The following EMSY variants were observed in gnomAD, a reference collection of about 807,000 sequenced individuals.
EMSY encodes BRCA2-interacting transcriptional repressor EMSY.
In EMSY, 26 loss-of-function variants were observed where a neutral mutation model predicts 134.6. The observed-to-expected ratio is 0.19, with a 90% CI of 0.14 to 0.27. The LOEUF (loss-of-function observed/expected upper bound fraction) is 0.27. Ranked by LOEUF, EMSY falls within the 10% of genes least tolerant of loss-of-function variation. EMSY has a pLI of 1.00. For missense variants in EMSY, 1,305 were observed against 1,611.4 expected (o/e 0.81, Z 3.26); for synonymous variants, 579 against 577.8 (o/e 1.00, Z -0.03).
chr11:76,533,539 T>C (rs896222003), intron 14 of EMSY, among the ~76,000 whole-genome samples: 9 of 152,316 alleles, frequency 5.9e-5, no homozygotes, highest in African/African-American at 1.9e-4. Flanking sequence ...TAGTATAAGA[T>C]TGATGGCAGC....
chr11:76,479,726 A>G (rs945591864), intron 8 of EMSY, among the ~76,000 whole-genome samples: 29 of 152,370 alleles, frequency 1.9e-4, no homozygotes, highest in African/African-American at 7.0e-4. Flanking sequence ...TGGAATGACT[A>G]CCGTATATGA....
At chr11:76,494,651 C>T (rs530411492) in intron 8 of EMSY, among the ~76,000 whole-genome samples, 3 of 1,828 alleles carry the variant, frequency 1.6e-3, no homozygotes, top group East Asian at 0.029. Flanking sequence ...TTTCCTTTCC[C>T]TTCCTTCCTT....
intron 19 of EMSY, among the ~76,000 whole-genome samples, chr11:76,545,567 A>G (rs1300361693): frequency 6.6e-6 from 1 of 152,216 alleles, no homozygotes; most frequent in African/African-American, 2.4e-5. Context: ...CTTTATTGCT[A>G]TAAACCTTGG....
At chr11:76,493,705 G>A (rs1431459539) in intron 8 of EMSY, among the ~76,000 whole-genome samples, 8 of 152,212 alleles carry the variant, frequency 5.3e-5, no homozygotes, top group Admixed American at 2.0e-4. Context: ...GGAGCTACTC[G>A]CTTCGGATCT....
At chr11:76,513,460 A>G in exon 10 of EMSY, 2 of 1,613,818 alleles carry the variant, frequency 1.2e-6, no homozygotes, top group Non-Finnish European at 1.7e-6. Flanking sequence ...TCTACCCACC[A>G]GTAGCAATTC....
chr11:76,475,878 G>A (rs1948753446), intron 8 of EMSY, among the ~76,000 whole-genome samples: 1 of 152,148 alleles, frequency 6.6e-6, no homozygotes, highest in Admixed American at 6.5e-5. Flanking sequence ...AGGGATAGCT[G>A]GTTGTAGAGG....
chr11:76,472,012 T>TA (rs1948590903), intron 7 of EMSY, among the ~76,000 whole-genome samples: 2 of 151,582 alleles, frequency 1.3e-5, no homozygotes, highest in South Asian at 4.2e-4. Context: ...ATACATTACT[T>TA]AAAAAATCAT....
chr11:76,528,198 A>G (rs966012653), intron 13 of EMSY, 70 bp from the exon 15 acceptor site: 11 of 1,354,318 alleles, frequency 8.1e-6, no homozygotes, highest in Admixed American at 1.8e-5. Flanking sequence ...TTAGTTTATG[A>G]CCTAGAAGTT....
intron 4 of EMSY, among the ~76,000 whole-genome samples, chr11:76,456,663 G>C (rs896894449): frequency 1.3e-5 from 2 of 152,128 alleles, no homozygotes; most frequent in Non-Finnish European, 2.9e-5. Flanking sequence ...AAATTTGTGA[G>C]TGTTACTGAA....
At chr11:76,494,847 T>A (rs1170822648) in intron 8 of EMSY, among the ~76,000 whole-genome samples, 1 of 152,150 alleles carries the variant, frequency 6.6e-6, no homozygotes, top group East Asian at 1.9e-4. Flanking sequence ...GAGATTCTCC[T>A]GCCTCACCTT....
intron 1 of EMSY, 124 bp from the exon 2 acceptor site, chr11:76,446,776 G>C: frequency 1.7e-6 from 1 of 579,188 alleles, no homozygotes; most frequent in Non-Finnish European, 3.0e-6. Context: ...TGGTGAGAAA[G>C]GATTGTAAAA....
At position 76,522,352 on chromosome 11, in the gene EMSY, C is replaced by CT. The variant is rs71040003; in HGVS notation, c.1685-773dup. Among the ~76,000 whole-genome samples the CT allele has an allele frequency of 1.9e-3, 83 of 44,252 alleles. 5 individuals are homozygous for CT. Among genetic ancestry groups the CT allele is most frequent in the African/African-American group, 2.5e-3 (27 of 10,636 alleles). The allele number at this position is 44,252 out of a possible 152,430, so 29.0% of individuals were successfully genotyped here. A position where few individuals can be genotyped will look rare whatever the true frequency, so the allele number is the denominator to read the frequency against. The stretch of plus-strand genomic sequence containing the variant: ...CTTGTTTTGTATATCGTTTACTTTG[C>CT]TTTTTTTTTTTTTTTTTTTTTTTTT... On this transcript the variant is annotated intron_variant, in intron 11 of 20. Coordinates refer to ENST00000334736, the Ensembl canonical transcript of EMSY.
intron 6 of EMSY, among the ~76,000 whole-genome samples, chr11:76,462,410 A>G (rs1347262196): frequency 6.6e-6 from 1 of 152,228 alleles, no homozygotes; most frequent in Non-Finnish European, 1.5e-5. Context: ...CTAACTTTGT[A>G]TGTGCAAGGC....
In EMSY at chr11:76,544,531, G is replaced by C. The variant is rs1196469367; in HGVS notation, c.2982G>C (p.Met994Ile). ...AGCTCCAGCACAAACTCCCGCAAAT[G>C]CCCCAGCTTTCCATCAGGCATCAAA... Residue 994 changes from methionine (M) to isoleucine (I), a missense_variant, in exon 19 of 21, where the codon ATG becomes ATC. By Grantham distance (10) the Met-to-Ile change is conservative. Transcript: ENST00000334736. The C allele has an allele frequency of 4.3e-6, 7 of 1,614,044 alleles. No individual in the cohort carries two copies. The East Asian group carries it at 1.3e-4, about 31-fold the overall frequency.
chr11:76,458,432 CTTAT>C lies in EMSY; in HGVS notation c.421+77_421+80del, dbSNP rs1482652596. On this transcript the variant is annotated intron_variant, in intron 5 of 20. Transcript: ENST00000334736. ...TCAAGAAAATTTCAAGAAAAGTTGT[CTTAT>C]TTTTCATCTACTTTTATTCTAGTGT... 2.1e-6 allele frequency: 3 copies of C among 1,408,700 alleles called. No homozygotes were observed. The African/African-American group carries it at 4.4e-5, about 21-fold the overall frequency. The allele number at this position is 1,408,700 out of a possible 1,614,324, so 87.3% of individuals were successfully genotyped here.
chr11:76,542,302 A>G (rs1219251624), exon 18 of EMSY: 1 of 1,614,034 alleles, frequency 6.2e-7, no homozygotes, highest in Admixed American at 1.7e-5. Flanking sequence ...CGCAACACAG[A>G]CTTCGGTGGT....
intron 9 of EMSY, among the ~76,000 whole-genome samples, chr11:76,507,837 A>AT (rs35759151): frequency 5.0e-4 from 73 of 147,040 alleles, no homozygotes; most frequent in Middle Eastern, 3.5e-3. Context: ...TACAAAATGC[A>AT]TTTTTTTTTC....
intron 7 of EMSY, among the ~76,000 whole-genome samples, chr11:76,468,923 A>G (rs912305771): frequency 6.6e-6 from 1 of 152,164 alleles, no homozygotes; most frequent in Admixed American, 6.5e-5. Context: ...TATGGCCTGA[A>G]TAAACACTGT....
intron 18 of EMSY, among the ~76,000 whole-genome samples, chr11:76,542,759 T>TG (rs10685562): frequency 1.1e-4 from 16 of 146,152 alleles, no homozygotes; most frequent in East Asian, 3.9e-4. Context: ...TTTTGTTTTT[T>TG]TTTTTTTTTG....
Sources: allele counts gnomAD v4.1 joint callset (sites outside exome capture counted in the v4.1 genomes callset), GRCh38; gene constraint gnomAD v4.1.1; transcripts MANE v1.5; gene names NCBI Gene and HGNC (gene_info 2026-07-23, HGNC 2026-07-21).